Variants in TRIM51G observed in about 807,000 individuals in gnomAD.
TRIM51G encodes tripartite motif-containing protein 51G.
the TRIM51G span, among the ~76,000 whole-genome samples, chr11:48,979,449 TG>T: frequency 6.6e-6 from 1 of 152,128 alleles, no homozygotes; most frequent in African/African-American, 2.4e-5. Flanking sequence ...TTTGGAGAAT[TG>T]GGGCAAGTTA....
the TRIM51G span, among the ~76,000 whole-genome samples, chr11:48,978,343 G>C: frequency 6.6e-6 from 1 of 152,056 alleles, no homozygotes; most frequent in Non-Finnish European, 1.5e-5. Context: ...TTTATGTCCT[G>C]ATAAAGTCTA....
chr11:48,981,626 C>T, the TRIM51G span: 4 of 1,599,840 alleles, frequency 2.5e-6, no homozygotes, highest in Non-Finnish European at 3.4e-6. Flanking sequence ...GTGACTGGGT[C>T]TATGAAGTAG....
chr11:48,981,414 C>T, the TRIM51G span: 55 of 1,607,784 alleles, frequency 3.4e-5, no homozygotes, highest in Non-Finnish European at 4.7e-5. Context: ...CTCTGTGCGT[C>T]CCACATATTT....
the TRIM51G span, chr11:48,981,629 T>G: frequency 6.9e-6 from 11 of 1,599,826 alleles, no homozygotes; most frequent in Admixed American, 1.7e-5. Context: ...ACTGGGTCTA[T>G]GAAGTAGTTC....
chr11:48,981,969 G>T, the TRIM51G span, among the ~76,000 whole-genome samples: 2 of 151,842 alleles, frequency 1.3e-5, no homozygotes, highest in Non-Finnish European at 2.9e-5. Flanking sequence ...CCTATTCCCT[G>T]GATGTCGATA....
At chr11:48,981,889 T>G in the TRIM51G span, among the ~76,000 whole-genome samples, 1 of 152,166 alleles carries the variant, frequency 6.6e-6, no homozygotes, top group South Asian at 2.1e-4. Flanking sequence ...CAGACACTAC[T>G]GACTGGATGA....
the TRIM51G span, chr11:48,981,182 T>C: frequency 1.5e-3 from 2,317 of 1,527,374 alleles, 10 homozygotes; most frequent in Non-Finnish European, 1.2e-3. Flanking sequence ...AACAGACATG[T>C]TTAAGGGGGC....
At chr11:48,979,377 G>GT in the TRIM51G span, among the ~76,000 whole-genome samples, 2 of 152,114 alleles carry the variant, frequency 1.3e-5, no homozygotes, top group African/African-American at 2.4e-5. Flanking sequence ...AGAAAACACA[G>GT]TTTTTTCTTA....
chr11:48,982,473 G>A, the TRIM51G span, among the ~76,000 whole-genome samples: 31,838 of 151,946 alleles, frequency 0.21, 3,598 homozygotes, highest in African/African-American at 0.28. Flanking sequence ...CTGTGAAGGT[G>A]TTTGCAGAGA....
At chr11:48,983,868 A>T in the TRIM51G span, among the ~76,000 whole-genome samples, 8 of 152,136 alleles carry the variant, frequency 5.3e-5, no homozygotes, top group South Asian at 6.2e-4. Flanking sequence ...GTTAACTCTA[A>T]GTGCTGTCCT....
the TRIM51G span, among the ~76,000 whole-genome samples, chr11:48,979,737 A>G: frequency 4.0e-5 from 6 of 151,400 alleles, no homozygotes; most frequent in East Asian, 1.9e-4. Context: ...AAATATAGGT[A>G]TATATGGATA....
the TRIM51G span, among the ~76,000 whole-genome samples, chr11:48,982,151 C>T: frequency 6.6e-6 from 1 of 151,878 alleles, no homozygotes; most frequent in Non-Finnish European, 1.5e-5. Flanking sequence ...GAAAGGGACC[C>T]AGAAGCCGGC....
the TRIM51G span, chr11:48,981,559 A>T: frequency 2.5e-6 from 4 of 1,601,726 alleles, no homozygotes; most frequent in Non-Finnish European, 2.6e-6. Context: ...AAGAACTGCC[A>T]TGTCTTGCCA....
the TRIM51G span, among the ~76,000 whole-genome samples, chr11:48,979,375 C>G: frequency 6.6e-6 from 1 of 152,082 alleles, no homozygotes; most frequent in East Asian, 1.9e-4. Context: ...AAAGAAAACA[C>G]AGTTTTTTCT....
the TRIM51G span, among the ~76,000 whole-genome samples, chr11:48,979,888 G>T: frequency 1.3e-5 from 2 of 151,182 alleles, no homozygotes. Flanking sequence ...CAAACAGGAG[G>T]ATATATATAT....
the TRIM51G span, chr11:48,979,239 C>A: frequency 1.9e-6 from 1 of 531,654 alleles, no homozygotes; most frequent in South Asian, 1.8e-5. Context: ...AATTTTATTC[C>A]TTTCATTTCT....
At chr11:48,979,683 G>T in the TRIM51G span, among the ~76,000 whole-genome samples, 1 of 151,474 alleles carries the variant, frequency 6.6e-6, no homozygotes, top group Admixed American at 6.6e-5. Flanking sequence ...TTATTTTCAT[G>T]TATATATACA....
chr11:48,977,211 T>G, the TRIM51G span: 4 of 986,120 alleles, frequency 4.1e-6, no homozygotes, highest in Non-Finnish European at 6.5e-6. Flanking sequence ...AGTTACCATA[T>G]CAACAGCCAA....
the TRIM51G span, among the ~76,000 whole-genome samples, chr11:48,978,412 C>T: frequency 6.6e-6 from 1 of 152,230 alleles, no homozygotes; most frequent in African/African-American, 2.4e-5. Context: ...AGTCTATGCT[C>T]TGCTGTAACC....
Sources: allele counts gnomAD v4.1 joint callset (sites outside exome capture counted in the v4.1 genomes callset), GRCh38; gene constraint gnomAD v4.1.1; transcripts MANE v1.5; gene names NCBI Gene and HGNC (gene_info 2026-07-23, HGNC 2026-07-21).